The following PCDHGA2 variants were observed in gnomAD, a reference collection of about 807,000 sequenced individuals.
PCDHGA2 encodes the protein protocadherin gamma subfamily A, 2, also known as protocadherin gamma-A2.
A neutral mutation model predicts 59.2 loss-of-function variants in PCDHGA2; 40 were observed. The ratio of observed to expected loss-of-function variants is 0.68; its 90% CI spans 0.52 to 0.88. PCDHGA2 has a LOEUF of 0.88. Among genes scored for constraint, PCDHGA2 ranks in the 40% least tolerant of loss-of-function variants. The pLI is 0.00. For missense variants in PCDHGA2, 1,226 were observed against 1,204.0 expected (o/e 1.02, Z -0.27); for synonymous variants, 560 against 526.0 (o/e 1.06, Z -0.89).
At chr5:141,355,770 G>A in intron 1 of PCDHGA2, 1 of 1,613,888 alleles carries the variant, frequency 6.2e-7, no homozygotes. Context: ...ATGGGATTAA[G>A]TACCCAGAGC....
intron 1 of PCDHGA2, chr5:141,374,341 C>G: frequency 7.4e-6 from 12 of 1,613,988 alleles, no homozygotes; most frequent in Non-Finnish European, 8.5e-6. Flanking sequence ...GCTTGGTCAC[C>G]GCGGGTAGGA....
chr5:141,427,260 AC>A (rs1388196814), intron 1 of PCDHGA2: 1 of 456,770 alleles, frequency 2.2e-6, no homozygotes, highest in Admixed American at 2.3e-5. Flanking sequence ...TGGAGGCATG[AC>A]CAGCGAATGT....
chr5:141,366,198 C>T (rs187196267), intron 1 of PCDHGA2: 35 of 1,613,892 alleles, frequency 2.2e-5, no homozygotes, highest in African/African-American at 2.7e-5. Flanking sequence ...GGGCTGCACA[C>T]GGGCGAGGTG....
intron 1 of PCDHGA2, chr5:141,421,399 C>G: frequency 4.3e-6 from 7 of 1,614,046 alleles, no homozygotes; most frequent in Non-Finnish European, 5.1e-6. Context: ...GCTGGAGCCC[C>G]GGGAGCTGGC....
At chr5:141,469,012 C>T (rs1196140759) in intron 1 of PCDHGA2, among the ~76,000 whole-genome samples, 1 of 151,852 alleles carries the variant, frequency 6.6e-6, no homozygotes, top group Non-Finnish European at 1.5e-5. Flanking sequence ...TGCGGTGGGT[C>T]ACTCCTGTAA....
chr5:141,399,611 T>A, intron 1 of PCDHGA2: 2 of 1,613,930 alleles, frequency 1.2e-6, no homozygotes, highest in Non-Finnish European at 1.7e-6. Flanking sequence ...CTAGAGCCTC[T>A]GGCACTGGCC....
chr5:141,354,881 A>G (rs909199099), intron 1 of PCDHGA2: 9 of 374,772 alleles, frequency 2.4e-5, no homozygotes, highest in African/African-American at 1.9e-4. Context: ...ATTTGACTTT[A>G]TTATCTTGGG....
At chr5:141,419,137 C>T (rs764281503) in intron 1 of PCDHGA2, 1 of 1,613,892 alleles carries the variant, frequency 6.2e-7, no homozygotes, top group Non-Finnish European at 8.5e-7. Flanking sequence ...CAGCCACAGA[C>T]AGGGGCAAGC....
Position 141,431,151 on chromosome 5 carries a change from C to A in PCDHGA2, c.2425-63656C>A, listed in dbSNP as rs764416448. On this transcript the variant is annotated intron_variant, in intron 1 of 3. Transcript: ENST00000394576. This position sits in a 1 kb window ranked among gnomAD's most constrained non-coding sequence, Gnocchi z 4.8. Reference sequence around the variant, plus strand: ...GTAAGGGACATTAACGACAATGCGCCTTACTTTCGTGAAAGTGAATTAGAA... The same window carrying A: ...GTAAGGGACATTAACGACAATGCGCATTACTTTCGTGAAAGTGAATTAGAA... 7.4e-6 allele frequency: 12 copies of A among 1,614,126 alleles called. No individual in the cohort carries two copies. Among genetic ancestry groups the A allele is most frequent in the Middle Eastern group, 1.6e-4 (1 of 6,084 alleles).
chr5:141,375,344 A>G lies in PCDHGA2; in HGVS notation c.2424+33949A>G, dbSNP rs777877762. 4 of 1,613,836 alleles carry G rather than the reference A, an allele frequency of 2.5e-6. No individual in the cohort carries two copies. The Admixed American group carries it at 6.7e-5, about 27-fold the overall frequency. Reference sequence around the variant, plus strand: ...GGAAGAGGTATTCTTGTACAACATCACTGTGACAGCCACGGACAAAGGAAC... The same window carrying G: ...GGAAGAGGTATTCTTGTACAACATCGCTGTGACAGCCACGGACAAAGGAAC... On this transcript the variant is annotated intron_variant, in intron 1 of 3. Coordinates refer to ENST00000394576, the MANE Select transcript of PCDHGA2 (RefSeq NM_018915.4).
At chr5:141,442,837 A>C (rs2098346617) in intron 1 of PCDHGA2, among the ~76,000 whole-genome samples, 1 of 152,202 alleles carries the variant, frequency 6.6e-6, no homozygotes, top group South Asian at 2.1e-4. Flanking sequence ...GGGAGGGACA[A>C]ATCTTGGCCA....
Position 141,339,730 on chromosome 5 carries a change from G to C in PCDHGA2, c.759G>C (p.Glu253Asp). ...TQPEYRISIP[E>D]NTLVGTRILT... ...CCGAGTACCGCATAAGCATTCCGGA[G>C]AATACGCTCGTGGGCACCCGGATAC... is the stretch of plus-strand genomic sequence containing the variant. Residue 253 changes from glutamate to aspartate, a missense_variant, in exon 1 of 4, where the codon GAG becomes GAC. By Grantham distance (45) the Glu-to-Asp change is conservative. Transcript: ENST00000394576. 1.9e-6 allele frequency: 3 copies of C among 1,614,152 alleles called. No individual in the cohort carries two copies. Among genetic ancestry groups the C allele is most frequent in the Non-Finnish European group, 2.5e-6 (3 of 1,180,006 alleles).
At chr5:141,410,764 A>G (rs1288407043) in intron 1 of PCDHGA2, 2 of 1,105,068 alleles carry the variant, frequency 1.8e-6, no homozygotes, top group African/African-American at 1.6e-5. Context: ...TTTTTCAATT[A>G]TAGTTTTCAC....
At chr5:141,496,164 C>T (rs745320704) in intron 2 of PCDHGA2, among the ~76,000 whole-genome samples, 1 of 152,084 alleles carries the variant, frequency 6.6e-6, no homozygotes, top group Non-Finnish European at 1.5e-5. Context: ...CCACCAGACA[C>T]CCTCCCATCC....
Position 141,489,087 on chromosome 5 carries a change from T to TCAAA in PCDHGA2, c.2425-5720_2425-5719insCAAA. 4.6e-6 allele frequency: 1 copy of TCAAA among 216,106 alleles called. No individual in the cohort carries two copies. The highest frequency in any genetic ancestry group is 8.4e-6 in the Non-Finnish European group (1 of 118,736). The allele number at this position is 216,106 out of a possible 1,614,324, so 13.4% of individuals were successfully genotyped here. On this transcript the variant is annotated intron_variant, in intron 1 of 3. Coordinates refer to ENST00000394576, the MANE Select transcript of PCDHGA2 (RefSeq NM_018915.4). This position sits in a 1 kb window ranked among gnomAD's most constrained non-coding sequence, Gnocchi z 4.5. The stretch of plus-strand genomic sequence containing the variant: ...CCCCCTGCCCACCCCCGCCACTCGG[T>TCAAA]GACTAAGAACTGCTGCAAGCAGGCA...
chr5:141,439,176 T>C (rs1044289122), intron 1 of PCDHGA2, among the ~76,000 whole-genome samples: 3 of 146,068 alleles, frequency 2.1e-5, no homozygotes, highest in African/African-American at 7.8e-5. Context: ...CTGGGCGACA[T>C]AGTGAGACTC....
In PCDHGA2 at chr5:141,338,917, G is replaced by A; in HGVS notation, c.-55G>A. On this transcript the variant is annotated 5_prime_UTR_variant, in exon 1 of 4. Transcript: ENST00000394576. ...TCTCACACCCTGAGGAATAAAGATT[G>A]GAATCCGCACTGGATGCTGGAAGTT... 6.6e-7 allele frequency: 1 copy of A among 1,508,942 alleles called. No homozygotes were observed. The highest frequency in any genetic ancestry group is 8.9e-7 in the Non-Finnish European group (1 of 1,129,054). 93.5% of individuals were successfully genotyped at this position (1,508,942 alleles called of 1,614,324 possible). A position where few individuals can be genotyped will look rare whatever the true frequency, so the allele number is the denominator to read the frequency against.
intron 1 of PCDHGA2, chr5:141,422,846 A>T: frequency 2.5e-6 from 4 of 1,614,102 alleles, no homozygotes; most frequent in Non-Finnish European, 3.4e-6. Flanking sequence ...GACAGCGGGG[A>T]CCCGCCCCTC....
intron 1 of PCDHGA2, chr5:141,371,069 C>T (rs1417206970): frequency 3.1e-6 from 5 of 1,613,908 alleles, no homozygotes; most frequent in South Asian, 1.1e-5. Context: ...GAAGCTGTAC[C>T]ACCCAGATCA....
Sources: gnomAD v4.1 joint callset for allele counts (sites outside exome capture counted in the v4.1 genomes callset) on GRCh38, gnomAD v4.1.1 for gene constraint, Gnocchi (gnomAD v3.1) non-coding constraint, MANE v1.5 for transcripts, NCBI Gene and HGNC (gene_info 2026-07-23, HGNC 2026-07-21) for gene names.